The following SORCS1 variants were observed in gnomAD, a reference collection of about 807,000 sequenced individuals.
SORCS1 encodes VPS10 domain-containing receptor SorCS1.
In SORCS1, 60 loss-of-function variants were observed where a neutral mutation model predicts 146.1. The observed-to-expected ratio is 0.41, with a 90% CI of 0.33 to 0.51. The LOEUF (loss-of-function observed/expected upper bound fraction) is 0.51. Among genes scored for constraint, SORCS1 ranks in the 20% least tolerant of loss-of-function variants. The probability of loss-of-function intolerance (pLI) is 0.21; values close to 1 mark genes in which losing one functional copy is unlikely to be tolerated. For synonymous variants in SORCS1, 637 were observed against 584.0 expected, an observed-to-expected ratio of 1.09 and a Z score of -1.31; for missense variants, 1,352 against 1,487.6, an observed-to-expected ratio of 0.91 and a Z score of 1.50.
intron 6 of SORCS1, among the ~76,000 whole-genome samples, chr10:106,725,629 C>A (rs946112785): frequency 6.6e-6 from 1 of 151,608 alleles, no homozygotes; most frequent in African/African-American, 2.4e-5. Context: ...CAGAGGATCT[C>A]AATTAGGAAA....
Position 106,793,302 on chromosome 10 carries a change from T to C in SORCS1, c.727-16610A>G, listed in dbSNP as rs533739151. Among the ~76,000 whole-genome samples the C allele has an allele frequency of 2.0e-5, 3 of 152,310 alleles. No homozygotes were observed. In the South Asian group the frequency reaches 6.2e-4, roughly 32 times the overall value. The stretch of plus-strand genomic sequence containing the variant: ...AGATTCGTGACAGGGGAATCACGTA[T>C]GCAAAAGCAGAGGAATGCGGGCATG... On this transcript the variant is annotated intron_variant, in intron 3 of 25. Coordinates refer to ENST00000263054, the MANE Select transcript of SORCS1 (RefSeq NM_052918.5).
intron 1 of SORCS1, among the ~76,000 whole-genome samples, chr10:106,982,246 T>A (rs1340225026): frequency 1.3e-5 from 2 of 152,208 alleles, no homozygotes; most frequent in African/African-American, 4.8e-5. Context: ...TTGATGCCTA[T>A]GATTTTCACT....
At chr10:107,148,957 C>CA (rs1276512688) in intron 1 of SORCS1, among the ~76,000 whole-genome samples, 2 of 152,264 alleles carry the variant, frequency 1.3e-5, no homozygotes, top group East Asian at 3.9e-4. Flanking sequence ...TACTACCTAG[C>CA]AAAAAATGCT....
intron 2 of SORCS1, among the ~76,000 whole-genome samples, chr10:106,931,452 G>T (rs890817941): frequency 6.6e-6 from 1 of 152,194 alleles, no homozygotes; most frequent in African/African-American, 2.4e-5. Flanking sequence ...CATGGAAGCG[G>T]GTGGGGAAAA....
chr10:106,755,642 A>T (rs1858579905), intron 5 of SORCS1, among the ~76,000 whole-genome samples: 1 of 151,892 alleles, frequency 6.6e-6, no homozygotes, highest in Admixed American at 6.6e-5. Flanking sequence ...CATTTCCTCC[A>T]ACCTTGAACC....
At chr10:106,781,494 C>T (rs1040599474) in intron 3 of SORCS1, among the ~76,000 whole-genome samples, 1 of 152,128 alleles carries the variant, frequency 6.6e-6, no homozygotes, top group African/African-American at 2.4e-5. Context: ...AAATGCTTTT[C>T]ATAATGATAA....
At chr10:106,850,533 A>C (rs1949520892) in intron 2 of SORCS1, among the ~76,000 whole-genome samples, 1 of 151,922 alleles carries the variant, frequency 6.6e-6, no homozygotes, top group African/African-American at 2.4e-5. Flanking sequence ...GAAATGCAGA[A>C]ATCACCCGTC....
intron 1 of SORCS1, among the ~76,000 whole-genome samples, chr10:107,102,862 C>G (rs1334916045): frequency 6.6e-6 from 1 of 151,928 alleles, no homozygotes; most frequent in Non-Finnish European, 1.5e-5. Flanking sequence ...TCCTACAATC[C>G]CTGTCCACAA....
intron 2 of SORCS1, among the ~76,000 whole-genome samples, chr10:106,838,277 C>A (rs977019075): frequency 3.9e-5 from 6 of 152,152 alleles, no homozygotes; most frequent in Admixed American, 6.5e-5. Context: ...AAATTAATAA[C>A]CTTGATTTTT....
chr10:107,101,689 C>A (rs140402344), intron 1 of SORCS1, among the ~76,000 whole-genome samples: 2 of 151,760 alleles, frequency 1.3e-5, no homozygotes, highest in African/African-American at 4.8e-5. Context: ...AAAATAGTAA[C>A]CTGAAATTTA....
chr10:106,721,791 C>A (rs936344940), intron 6 of SORCS1, among the ~76,000 whole-genome samples: 1 of 152,098 alleles, frequency 6.6e-6, no homozygotes, highest in Non-Finnish European at 1.5e-5. Context: ...TGCGGACTAA[C>A]CAAATAAATA....
intron 2 of SORCS1, among the ~76,000 whole-genome samples, chr10:106,909,906 G>A (rs568299655): frequency 6.6e-6 from 1 of 152,234 alleles, no homozygotes; most frequent in Non-Finnish European, 1.5e-5. Flanking sequence ...GGGGGGAATG[G>A]TTAAGTCTCC....
intron 2 of SORCS1, among the ~76,000 whole-genome samples, chr10:106,926,820 AATATAT>A (rs78358063): frequency 2.6e-4 from 19 of 73,970 alleles, no homozygotes; most frequent in African/African-American, 6.1e-4. Flanking sequence ...ATTTCTAAGG[AATATAT>A]ATACACACAC....
At chr10:106,886,299 C>G (rs1444648054) in intron 2 of SORCS1, among the ~76,000 whole-genome samples, 3 of 152,028 alleles carry the variant, frequency 2.0e-5, no homozygotes, top group Non-Finnish European at 4.4e-5. Context: ...ACCCAAAACC[C>G]TCTTTCTCTG....
chr10:107,099,567 A>G (rs1964776989), intron 1 of SORCS1, among the ~76,000 whole-genome samples: 1 of 152,226 alleles, frequency 6.6e-6, no homozygotes, highest in Admixed American at 6.5e-5. Flanking sequence ...TTAATAGTCT[A>G]TTAATAGTCT....
At chr10:107,136,263 T>C (rs1967290344) in intron 1 of SORCS1, among the ~76,000 whole-genome samples, 1 of 152,220 alleles carries the variant, frequency 6.6e-6, no homozygotes, top group Non-Finnish European at 1.5e-5. Flanking sequence ...GGAACCCATA[T>C]GCAGGGGAGA....
At chr10:106,984,412 G>A (rs1455009497) in intron 1 of SORCS1, among the ~76,000 whole-genome samples, 1 of 49,016 alleles carries the variant, frequency 2.0e-5, no homozygotes, top group Non-Finnish European at 4.2e-5. Context: ...TTTTTTTTTT[G>A]AGACAGAGTT....
intron 1 of SORCS1, among the ~76,000 whole-genome samples, chr10:107,089,076 C>T (rs989717525): frequency 3.3e-5 from 5 of 152,152 alleles, no homozygotes; most frequent in South Asian, 2.1e-4. Flanking sequence ...TAGGCTGGAT[C>T]GATCAACTGC....
At chr10:107,131,540 T>C (rs1446817402) in intron 1 of SORCS1, among the ~76,000 whole-genome samples, 2 of 152,118 alleles carry the variant, frequency 1.3e-5, no homozygotes, top group Non-Finnish European at 2.9e-5. Context: ...CTGGCCAACA[T>C]GGCGAACCCC....
Sources: allele counts gnomAD v4.1 joint callset (sites outside exome capture counted in the v4.1 genomes callset), GRCh38; gene constraint gnomAD v4.1.1; transcripts MANE v1.5; gene names NCBI Gene and HGNC (gene_info 2026-07-23, HGNC 2026-07-21).